CADM2: variants seen among roughly 807,000 people sequenced by gnomAD.
CADM2 encodes the protein cell adhesion molecule 2.
A neutral mutation model predicts 49.8 loss-of-function variants in CADM2; 12 were observed. The observed-to-expected ratio is 0.24, with a 90% CI of 0.15 to 0.39. The LOEUF is 0.39. Ranked by LOEUF, CADM2 falls within the 10% of genes least tolerant of loss-of-function variation. The pLI is 1.00. For synonymous variants in CADM2, 214 were observed against 175.4 expected (o/e 1.22, Z -1.74); for missense variants, 378 against 492.3 (o/e 0.77, Z 2.20).
At chr3:85,432,066 C>G (rs2036705165) in intron 1 of CADM2, among the ~76,000 whole-genome samples, 1 of 147,406 alleles carries the variant, frequency 6.8e-6, no homozygotes, top group South Asian at 2.2e-4. Context: ...ATTGGGAGAA[C>G]AGAAGACATT....
Position 85,327,554 on chromosome 3 carries a change from CCACACA to C in CADM2, c.61+367916_61+367921del, listed in dbSNP as rs71108276. ...TATAGGCATGAGCCACCATGCCCGGCCACACACACACACACACACACACACACACAC... is the reference window on the plus strand; with the variant it reads ...TATAGGCATGAGCCACCATGCCCGGCCACACACACACACACACACACACAC... On this transcript the variant is annotated intron_variant, in intron 1 of 9. Coordinates refer to ENST00000383699, the MANE Select transcript of CADM2 (RefSeq NM_001167675.2). Among the ~76,000 whole-genome samples, 14 of 137,192 alleles carry C rather than the reference CCACACA, an allele frequency of 1.0e-4. No homozygotes were observed. In the South Asian group the frequency reaches 1.2e-3, roughly 12 times the overall value. 90.0% of individuals were successfully genotyped at this position (137,192 alleles called of 152,430 possible).
At chr3:85,677,862 T>G (rs1210914849) in intron 1 of CADM2, among the ~76,000 whole-genome samples, 2 of 152,162 alleles carry the variant, frequency 1.3e-5, no homozygotes, top group Non-Finnish European at 2.9e-5. Flanking sequence ...CTGATTATTA[T>G]GATGGGGATA....
chr3:85,851,446 A>G (rs932074251), intron 3 of CADM2, among the ~76,000 whole-genome samples: 2 of 152,028 alleles, frequency 1.3e-5, no homozygotes, highest in Non-Finnish European at 2.9e-5. Flanking sequence ...AAACAATTCA[A>G]ATCTCCTCTT....
intron 8 of CADM2, among the ~76,000 whole-genome samples, chr3:86,050,077 A>G (rs1278907438): frequency 6.6e-6 from 1 of 152,112 alleles, no homozygotes; most frequent in Non-Finnish European, 1.5e-5. Flanking sequence ...TCTGCCTATG[A>G]GCCTATAAAA....
Position 85,503,622 on chromosome 3 carries a change from C to T in CADM2, c.62-222900C>T, listed in dbSNP as rs190785363. On this transcript the variant is annotated intron_variant, in intron 1 of 9. Transcript: ENST00000383699. ...TCAAATACTTATGAACTGTCAACAC[C>T]GTATTGTATATTTCCCTACATACCA... Among the ~76,000 whole-genome samples, 167 of 152,178 alleles carry T rather than the reference C, an allele frequency of 1.1e-3. 1 individual carries two copies. Among genetic ancestry groups the T allele is most frequent in the African/African-American group, 3.9e-3 (162 of 41,512 alleles).
intron 1 of CADM2, among the ~76,000 whole-genome samples, chr3:84,985,616 T>C (rs1430934393): frequency 6.6e-6 from 1 of 152,176 alleles, no homozygotes; most frequent in East Asian, 1.9e-4. Flanking sequence ...TGATGCTAAA[T>C]GATTACACAT....
intron 1 of CADM2, among the ~76,000 whole-genome samples, chr3:85,580,558 T>C (rs919496512): frequency 6.6e-6 from 1 of 152,110 alleles, no homozygotes; most frequent in Admixed American, 6.6e-5. Flanking sequence ...AAATTACTAA[T>C]CAAATTTCCT....
At chr3:86,050,006 G>A (rs574817405) in intron 8 of CADM2, among the ~76,000 whole-genome samples, 1 of 152,242 alleles carries the variant, frequency 6.6e-6, no homozygotes, top group South Asian at 2.1e-4. Context: ...CCCCAAACTT[G>A]TAACTTATTC....
intron 3 of CADM2, among the ~76,000 whole-genome samples, chr3:85,869,732 C>T (rs2075849807): frequency 6.6e-6 from 1 of 152,126 alleles, no homozygotes; most frequent in African/African-American, 2.4e-5. Context: ...GATCTCGGCT[C>T]ACGGCAAGCT....
chr3:85,499,162 G>A (rs1318694766), intron 1 of CADM2, among the ~76,000 whole-genome samples: 4 of 152,090 alleles, frequency 2.6e-5, no homozygotes, highest in South Asian at 2.1e-4. Flanking sequence ...CAATTACAAT[G>A]AAAAAACAAA....
At chr3:85,638,552 T>C (rs1398443819) in intron 1 of CADM2, among the ~76,000 whole-genome samples, 1 of 152,130 alleles carries the variant, frequency 6.6e-6, no homozygotes, top group Admixed American at 6.5e-5. Context: ...TGTTGATGTT[T>C]TCCATTTACT....
At chr3:85,477,110 T>C (rs2107619408) in intron 1 of CADM2, among the ~76,000 whole-genome samples, 1 of 151,970 alleles carries the variant, frequency 6.6e-6, no homozygotes, top group South Asian at 2.1e-4. Flanking sequence ...CCTGAAGGCA[T>C]GACCACTGGG....
At chr3:85,694,719 A>G (rs1559597501) in intron 1 of CADM2, among the ~76,000 whole-genome samples, 1 of 152,130 alleles carries the variant, frequency 6.6e-6, no homozygotes, top group Non-Finnish European at 1.5e-5. Flanking sequence ...CTGGGATTTT[A>G]AAGATTAGGG....
At chr3:85,412,898 T>C (rs958758181) in intron 1 of CADM2, among the ~76,000 whole-genome samples, 4 of 151,704 alleles carry the variant, frequency 2.6e-5, no homozygotes, top group African/African-American at 9.7e-5. Context: ...TGAGAAGTCA[T>C]TGGGAGGCCG....
intron 1 of CADM2, among the ~76,000 whole-genome samples, chr3:84,984,237 T>TAAC (rs1398486055): frequency 6.6e-6 from 1 of 151,680 alleles, no homozygotes; most frequent in African/African-American, 2.4e-5. Context: ...CACAAAAGTG[T>TAAC]AACATGTCCA....
chr3:85,965,873 C>T (rs2108627622), intron 8 of CADM2, among the ~76,000 whole-genome samples: 1 of 151,698 alleles, frequency 6.6e-6, no homozygotes, highest in East Asian at 2.0e-4. Flanking sequence ...AATGCATACT[C>T]TTCTATTTAT....
intron 5 of CADM2, among the ~76,000 whole-genome samples, chr3:85,900,715 CA>C (rs1177083104): frequency 6.6e-6 from 1 of 152,086 alleles, no homozygotes; most frequent in Non-Finnish European, 1.5e-5. Flanking sequence ...ATTATAATAA[CA>C]AAAATATTCA....
intron 1 of CADM2, among the ~76,000 whole-genome samples, chr3:85,234,051 T>A (rs1476466837): frequency 1.3e-5 from 2 of 152,124 alleles, no homozygotes; most frequent in Non-Finnish European, 2.9e-5. Flanking sequence ...ATATGTCACT[T>A]GATTAGGTAC....
intron 1 of CADM2, among the ~76,000 whole-genome samples, chr3:85,389,415 G>T (rs2034407284): frequency 6.6e-6 from 1 of 152,056 alleles, no homozygotes; most frequent in Non-Finnish European, 1.5e-5. Context: ...TGACATTGGA[G>T]TTACAAGACA....
Sources: gnomAD v4.1 joint callset for allele counts (sites outside exome capture counted in the v4.1 genomes callset) on GRCh38, gnomAD v4.1.1 for gene constraint, MANE v1.5 for transcripts, NCBI Gene and HGNC (gene_info 2026-07-23, HGNC 2026-07-21) for gene names.